Variants in PALM2AKAP2 observed in about 807,000 individuals in gnomAD.
The protein encoded by PALM2AKAP2 is PALM2-AKAP2 fusion protein.
A neutral mutation model predicts 71.5 loss-of-function variants in PALM2AKAP2; 37 were observed. The ratio of observed to expected loss-of-function variants is 0.52; its 90% CI spans 0.40 to 0.68. PALM2AKAP2 has a LOEUF of 0.68. PALM2AKAP2 is among the 30% of genes least tolerant of loss of function. The pLI, the probability that PALM2AKAP2 is intolerant of heterozygous loss-of-function variation, is 0.00. For missense variants in PALM2AKAP2, 1,224 were observed against 1,191.8 expected, an observed-to-expected ratio of 1.03 and a Z score of -0.40; for synonymous variants, 468 against 478.8, an observed-to-expected ratio of 0.98 and a Z score of 0.29.
intron 3 of PALM2AKAP2, among the ~76,000 whole-genome samples, chr9:109,913,171 T>C (rs1830610492): frequency 6.6e-6 from 1 of 152,246 alleles, no homozygotes; most frequent in Non-Finnish European, 1.5e-5. Flanking sequence ...CCACATGTGA[T>C]CAGTCTTCTC....
chr9:109,838,758 A>G (rs1828561548), intron 1 of PALM2AKAP2, among the ~76,000 whole-genome samples: 1 of 152,232 alleles, frequency 6.6e-6, no homozygotes, highest in Non-Finnish European at 1.5e-5. Flanking sequence ...CCTCTACACA[A>G]ATAAACTAGA....
chr9:109,834,915 T>G (rs79011277), intron 1 of PALM2AKAP2, among the ~76,000 whole-genome samples: 4,268 of 152,222 alleles, frequency 0.028, 74 homozygotes, highest in Middle Eastern at 0.068. Flanking sequence ...CTTTAATCAT[T>G]TATTTTAGGA....
At chr9:109,928,134 C>T (rs1830998058) in intron 5 of PALM2AKAP2, among the ~76,000 whole-genome samples, 1 of 152,170 alleles carries the variant, frequency 6.6e-6, no homozygotes, top group African/African-American at 2.4e-5. Flanking sequence ...TGGAGTTTCA[C>T]TCTTGTCGCC....
rs1405851660 is a variant in PALM2AKAP2 at position 109,798,891 on chromosome 9, C to T, written c.45+18358C>T. ...TGTTCAAGATCATCCAGGCTGTGGC[C>T]GGAGCCCACATCATCCATGTCTCTA... On this transcript the variant is annotated intron_variant, in intron 1 of 9. Coordinates refer to the PALM2AKAP2 transcript ENST00000302798. Among the ~76,000 whole-genome samples the T allele has an allele frequency of 4.6e-5, 7 of 152,174 alleles. No individual in the cohort carries two copies. The East Asian group carries it at 7.7e-4, about 17-fold the overall frequency.
intron 6 of PALM2AKAP2, among the ~76,000 whole-genome samples, chr9:109,977,214 C>T (rs1459612498): frequency 6.6e-6 from 1 of 152,154 alleles, no homozygotes; most frequent in Non-Finnish European, 1.5e-5. Flanking sequence ...TAAGCTGCAC[C>T]AGGGAATACA....
intron 6 of PALM2AKAP2, among the ~76,000 whole-genome samples, chr9:109,994,405 A>G (rs1283601922): frequency 3.9e-5 from 6 of 152,220 alleles, no homozygotes; most frequent in African/African-American, 1.4e-4. Flanking sequence ...TTTAAACTTG[A>G]GAAACCTCAG....
chr9:109,903,041 T>C (rs1219598177), intron 3 of PALM2AKAP2, among the ~76,000 whole-genome samples: 1 of 152,042 alleles, frequency 6.6e-6, no homozygotes. Flanking sequence ...CTTTTTCTGC[T>C]TGAGCTCATG....
intron 6 of PALM2AKAP2, among the ~76,000 whole-genome samples, chr9:109,959,702 G>A (rs746428412): frequency 6.6e-6 from 1 of 152,008 alleles, no homozygotes; most frequent in Non-Finnish European, 1.5e-5. Flanking sequence ...TTTAGAAGTG[G>A]TAGATAGAAA....
chr9:109,696,616 G>T (rs1433575230), intron 1 of PALM2AKAP2, among the ~76,000 whole-genome samples: 1 of 152,098 alleles, frequency 6.6e-6, no homozygotes, highest in Non-Finnish European at 1.5e-5. Context: ...CATATACAAA[G>T]ACATGTATCT....
chr9:109,642,860 T>TA lies in PALM2AKAP2; in HGVS notation c.5+1996dup, dbSNP rs748770404. Among the ~76,000 whole-genome samples, 23 of 148,614 alleles carry TA rather than the reference T, an allele frequency of 1.5e-4. No individual in the cohort carries two copies. The East Asian group carries it at 1.8e-3, about 12-fold the overall frequency. ...ATGCCCAGTCTTTTTTTTTTTTTTT[T>TA]AATTTATAAAGAAATACATGGTGTG... On this transcript the variant is annotated intron_variant, in intron 1 of 6. Coordinates refer to the PALM2AKAP2 transcript ENST00000374531.
At chr9:110,113,395 T>C (rs1161623712) in intron 1 of PALM2AKAP2, among the ~76,000 whole-genome samples, 1 of 152,008 alleles carries the variant, frequency 6.6e-6, no homozygotes, top group Admixed American at 6.5e-5. Flanking sequence ...TGCACCACCA[T>C]GCCCAGCTAA....
At chr9:109,970,925 T>C (rs1348490554) in intron 6 of PALM2AKAP2, among the ~76,000 whole-genome samples, 4 of 151,984 alleles carry the variant, frequency 2.6e-5, no homozygotes, top group East Asian at 1.9e-4. Context: ...CTGGGCAACA[T>C]AGGGAGACCC....
intron 6 of PALM2AKAP2, among the ~76,000 whole-genome samples, chr9:109,999,977 T>A (rs1317244802): frequency 6.6e-6 from 1 of 152,100 alleles, no homozygotes; most frequent in African/African-American, 2.4e-5. Context: ...ATTTTTGTAT[T>A]TATTGAATGG....
chr9:110,158,200 A>G (rs1836505975), intron 3 of PALM2AKAP2, among the ~76,000 whole-genome samples: 1 of 152,228 alleles, frequency 6.6e-6, no homozygotes, highest in Non-Finnish European at 1.5e-5. Context: ...CCCCACTTCA[A>G]AGGATAAAGT....
At chr9:109,695,561 T>C (rs1169772820) in intron 1 of PALM2AKAP2, among the ~76,000 whole-genome samples, 2 of 152,178 alleles carry the variant, frequency 1.3e-5, no homozygotes, top group African/African-American at 4.8e-5. Flanking sequence ...TTGTTGAACA[T>C]TTTTCATACA....
chr9:109,971,803 G>A (rs1832074579), intron 6 of PALM2AKAP2, among the ~76,000 whole-genome samples: 1 of 152,128 alleles, frequency 6.6e-6, no homozygotes, highest in Non-Finnish European at 1.5e-5. Flanking sequence ...ATTTCCACCT[G>A]TGTTTCTAGG....
intron 2 of PALM2AKAP2, among the ~76,000 whole-genome samples, chr9:110,153,784 C>T (rs149387935): frequency 2.0e-5 from 3 of 152,332 alleles, no homozygotes; most frequent in East Asian, 3.9e-4. Context: ...CTCAGGATGA[C>T]ATTATAGCTT....
intron 1 of PALM2AKAP2, among the ~76,000 whole-genome samples, chr9:109,766,611 T>A (rs1829158755): frequency 6.6e-6 from 1 of 152,242 alleles, no homozygotes; most frequent in East Asian, 1.9e-4. Flanking sequence ...AACCTCATCA[T>A]CCTTTTGCTG....
At chr9:110,152,911 A>G (rs1836359090) in intron 2 of PALM2AKAP2, among the ~76,000 whole-genome samples, 1 of 152,158 alleles carries the variant, frequency 6.6e-6, no homozygotes, top group Admixed American at 6.5e-5. Flanking sequence ...GACCAGAATG[A>G]TGGCCGGAAG....
Sources: gnomAD v4.1 joint callset for allele counts (sites outside exome capture counted in the v4.1 genomes callset) on GRCh38, gnomAD v4.1.1 for gene constraint, MANE v1.5 for transcripts, NCBI Gene and HGNC (gene_info 2026-07-23, HGNC 2026-07-21) for gene names.